The following VWC2L variants were observed in gnomAD, a reference collection of about 807,000 sequenced individuals.
VWC2L encodes von Willebrand factor C domain containing 2 like.
A neutral mutation model predicts 21.6 loss-of-function variants in VWC2L; 10 were observed. That is an observed-to-expected ratio of 0.46 (90% CI 0.29 to 0.78). The LOEUF (loss-of-function observed/expected upper bound fraction) is 0.78, where lower values mean the gene tolerates loss of function less well. Ranked by LOEUF, VWC2L falls within the 30% of genes least tolerant of loss-of-function variation. VWC2L has a pLI of 0.10. For missense variants in VWC2L, 209 were observed against 277.1 expected, an observed-to-expected ratio of 0.75 and a Z score of 1.74; for synonymous variants, 96 against 94.3, an observed-to-expected ratio of 1.02 and a Z score of -0.10.
chr2:214,560,504 G>A (rs531960273), intron 3 of VWC2L, among the ~76,000 whole-genome samples: 1 of 152,262 alleles, frequency 6.6e-6, no homozygotes, highest in East Asian at 1.9e-4. Flanking sequence ...TCATTTTAAT[G>A]AAGTGAAAAT....
intron 2 of VWC2L, among the ~76,000 whole-genome samples, chr2:214,435,647 C>T (rs1702668797): frequency 6.6e-6 from 1 of 152,110 alleles, no homozygotes; most frequent in South Asian, 2.1e-4. Context: ...GAATCTGTGG[C>T]TTCAGATTGG....
intron 3 of VWC2L, among the ~76,000 whole-genome samples, chr2:214,575,344 A>G (rs1690212939): frequency 6.6e-6 from 1 of 152,154 alleles, no homozygotes; most frequent in South Asian, 2.1e-4. Flanking sequence ...CAGCCTTTAC[A>G]CCTCAGAGGA....
intron 3 of VWC2L, among the ~76,000 whole-genome samples, chr2:214,452,059 C>T (rs566493649): frequency 5.9e-5 from 9 of 152,298 alleles, no homozygotes; most frequent in African/African-American, 1.2e-4. Flanking sequence ...AATCTCTGTT[C>T]TGCTTTCAGT....
chr2:214,419,935 T>G (rs924552756), intron 2 of VWC2L, among the ~76,000 whole-genome samples: 2 of 152,066 alleles, frequency 1.3e-5, no homozygotes, highest in African/African-American at 4.8e-5. Flanking sequence ...GGCGGGCACC[T>G]CTAGTCCCAG....
chr2:214,475,806 T>C (rs1477189967), intron 3 of VWC2L, among the ~76,000 whole-genome samples: 1 of 152,192 alleles, frequency 6.6e-6, no homozygotes, highest in African/African-American at 2.4e-5. Context: ...AAATGTGGCT[T>C]TCTCATTGCT....
At chr2:214,435,455 A>G (rs1005929012) in intron 2 of VWC2L, among the ~76,000 whole-genome samples, 2 of 152,214 alleles carry the variant, frequency 1.3e-5, no homozygotes, top group African/African-American at 4.8e-5. Flanking sequence ...GCAAAAAGCA[A>G]AGACAAAATG....
intron 2 of VWC2L, among the ~76,000 whole-genome samples, chr2:214,419,261 G>A (rs184021978): frequency 2.0e-4 from 30 of 151,988 alleles, no homozygotes; most frequent in Non-Finnish European, 3.1e-4. Context: ...TGTGCACCCC[G>A]GCAATATGAC....
chr2:214,470,949 G>A (rs897055643), intron 3 of VWC2L, among the ~76,000 whole-genome samples: 6 of 139,904 alleles, frequency 4.3e-5, no homozygotes, highest in Non-Finnish European at 7.5e-5. Flanking sequence ...AAAAAGATAG[G>A]TGATCGCGTA....
chr2:214,502,995 G>T (rs897418889), intron 3 of VWC2L, among the ~76,000 whole-genome samples: 4 of 152,192 alleles, frequency 2.6e-5, no homozygotes, highest in African/African-American at 9.7e-5. Context: ...AGACGGGAAT[G>T]CTTAACAAAG....
At position 214,573,938 on chromosome 2, in the gene VWC2L, C is replaced by T. The variant is rs995468610; in HGVS notation, c.521-1734C>T. On this transcript the variant is annotated intron_variant, in intron 3 of 3. Transcript: ENST00000312504. Reference sequence around the variant, plus strand: ...GGTGGATCGCCTGAGGTCAGGAATTCGAGACCAGTCTGCCCAACATGGTGA... The same window carrying T: ...GGTGGATCGCCTGAGGTCAGGAATTTGAGACCAGTCTGCCCAACATGGTGA... Among the ~76,000 whole-genome samples the T allele has an allele frequency of 2.0e-5, 3 of 152,140 alleles. No individual in the cohort carries two copies. In the East Asian group the frequency reaches 5.8e-4, roughly 29 times the overall value.
intron 3 of VWC2L, among the ~76,000 whole-genome samples, chr2:214,496,491 C>A (rs1362665375): frequency 6.6e-6 from 1 of 152,104 alleles, no homozygotes; most frequent in Non-Finnish European, 1.5e-5. Context: ...TCTACAAGGG[C>A]ACCAGCTTTC....
At chr2:214,477,203 C>T (rs1688537766) in intron 3 of VWC2L, among the ~76,000 whole-genome samples, 2 of 152,198 alleles carry the variant, frequency 1.3e-5, no homozygotes, top group African/African-American at 4.8e-5. Flanking sequence ...TTCATGTGAA[C>T]ACTTCACTCC....
intron 2 of VWC2L, among the ~76,000 whole-genome samples, chr2:214,429,981 G>A (rs942187776): frequency 5.3e-5 from 8 of 151,836 alleles, no homozygotes; most frequent in African/African-American, 4.8e-5. Flanking sequence ...CTGCCACCAC[G>A]CCTGGCTAAT....
chr2:214,455,983 A>G (rs1260706872), intron 3 of VWC2L, among the ~76,000 whole-genome samples: 2 of 152,192 alleles, frequency 1.3e-5, no homozygotes, highest in African/African-American at 4.8e-5. Context: ...TATTGTGAAT[A>G]GTGCTACAGT....
intron 3 of VWC2L, among the ~76,000 whole-genome samples, chr2:214,569,778 C>T (rs1220707567): frequency 6.6e-6 from 1 of 152,168 alleles, no homozygotes; most frequent in Admixed American, 6.5e-5. Context: ...TCTGCTACAA[C>T]CTTCCACAGC....
At chr2:214,485,972 C>A (rs1347573740) in intron 3 of VWC2L, among the ~76,000 whole-genome samples, 1 of 152,050 alleles carries the variant, frequency 6.6e-6, no homozygotes. Context: ...AAACCCTTGA[C>A]CCCTAGTGGA....
chr2:214,475,561 G>T (rs572522429), intron 3 of VWC2L, among the ~76,000 whole-genome samples: 2 of 152,222 alleles, frequency 1.3e-5, no homozygotes, highest in African/African-American at 4.8e-5. Context: ...ATGTTGGGGA[G>T]AGATTATGGT....
At chr2:214,418,596 T>C (rs1362512486) in intron 2 of VWC2L, among the ~76,000 whole-genome samples, 1 of 152,218 alleles carries the variant, frequency 6.6e-6, no homozygotes, top group East Asian at 1.9e-4. Context: ...CGACACTGTT[T>C]TCTTTTTTCT....
intron 3 of VWC2L, among the ~76,000 whole-genome samples, chr2:214,524,932 C>CTT (rs5838441): frequency 0.49 from 71,104 of 144,732 alleles, 18,805 homozygotes; most frequent in East Asian, 0.72. Context: ...CTTTGGCTGG[C>CTT]TTTTTTTTTT....
Sources: allele counts gnomAD v4.1 joint callset (sites outside exome capture counted in the v4.1 genomes callset), GRCh38; gene constraint gnomAD v4.1.1; transcripts MANE v1.5; gene names NCBI Gene and HGNC (gene_info 2026-07-23, HGNC 2026-07-21).